Variants in TDRD9 observed in about 807,000 individuals in gnomAD.
The protein encoded by TDRD9 is ATP-dependent RNA helicase TDRD9.
A neutral mutation model predicts 172.6 loss-of-function variants in TDRD9; 124 were observed. The ratio of observed to expected loss-of-function variants is 0.72; its 90% CI spans 0.62 to 0.83. The LOEUF is 0.83. Ranked by LOEUF, TDRD9 falls within the 40% of genes least tolerant of loss-of-function variation. The pLI is 0.00. For missense variants in TDRD9, 1,479 were observed against 1,714.1 expected, an observed-to-expected ratio of 0.86 and a Z score of 2.42; for synonymous variants, 619 against 617.1, an observed-to-expected ratio of 1.00 and a Z score of -0.05.
intron 14 of TDRD9, 165 bp from the exon 15 acceptor site, chr14:104,005,109 T>G: frequency 1.8e-6 from 1 of 562,206 alleles, no homozygotes; most frequent in East Asian, 3.1e-5. Context: ...TGTTCTTTCT[T>G]CTTCTCTCTC....
intron 14 of TDRD9, 77 bp from the exon 15 acceptor site, chr14:104,005,197 T>G: frequency 6.7e-7 from 1 of 1,498,086 alleles, no homozygotes; most frequent in Non-Finnish European, 9.2e-7. Context: ...TCTTTCCCTC[T>G]GAAGCACTGG....
intron 34 of TDRD9, among the ~76,000 whole-genome samples, chr14:104,045,284 C>T (rs1199236169): frequency 4.6e-5 from 7 of 152,060 alleles, no homozygotes; most frequent in African/African-American, 1.7e-4. Context: ...TTACTGCAGT[C>T]AGTCTGGTGA....
chr14:104,014,567 C>T (rs370191184), intron 20 of TDRD9, among the ~76,000 whole-genome samples, 158 bp from the exon 21 acceptor site: 1 of 152,144 alleles, frequency 6.6e-6, no homozygotes, highest in East Asian at 1.9e-4. Context: ...AGGTGTGAGT[C>T]ACCGTGCACA....
chr14:103,981,151 C>T (rs1032555970), intron 7 of TDRD9, among the ~76,000 whole-genome samples: 1 of 152,190 alleles, frequency 6.6e-6, no homozygotes, highest in Admixed American at 6.5e-5. Flanking sequence ...AAGTGATCCT[C>T]TTGCTTTGGT....
At chr14:103,941,575 G>C in intron 1 of TDRD9, 2 of 1,534,860 alleles carry the variant, frequency 1.3e-6, no homozygotes, top group Non-Finnish European at 8.7e-7. Context: ...AATCTCTCTC[G>C]CTCCTTTAGG....
At position 103,959,455 on chromosome 14, in the gene TDRD9, CGTGTGTGTGT is replaced by C. The variant is rs151216232; in HGVS notation, c.323-3607_323-3598del. Among the ~76,000 whole-genome samples, 34 of 144,110 alleles carry C rather than the reference CGTGTGTGTGT, an allele frequency of 2.4e-4. No homozygotes were observed. The East Asian group carries it at 3.7e-3, about 16-fold the overall frequency. The allele number at this position is 144,110 out of a possible 152,430, so 94.5% of individuals were successfully genotyped here. The stretch of plus-strand genomic sequence containing the variant: ...CACTGAAGAAGTAAGGTCAGGTTAT[CGTGTGTGTGT>C]GTGTGTGTGTGTGTGTATGTATACA... On this transcript the variant is annotated intron_variant, in intron 2 of 35. Transcript: ENST00000409874.
At chr14:103,969,006 C>T (rs1161153230) in intron 5 of TDRD9, among the ~76,000 whole-genome samples, 4 of 122,826 alleles carry the variant, frequency 3.3e-5, no homozygotes, top group African/African-American at 6.1e-5. Context: ...AGGCTGAGGC[C>T]GGAGAATGGC....
chr14:103,992,503 A>G (rs1398398238), intron 9 of TDRD9, among the ~76,000 whole-genome samples: 1 of 152,212 alleles, frequency 6.6e-6, no homozygotes, highest in Non-Finnish European at 1.5e-5. Flanking sequence ...TGTGTGCATC[A>G]TATTGTATTA....
At position 103,928,716 on chromosome 14, in the gene TDRD9, G is replaced by C; in HGVS notation, c.207G>C (p.Ala69=). ...LAQAPARPAA[A]FERSLSQRSS... ...AAGCTCCGGCCCGGCCGGCCGCTGC[G>C]TTCGAAAGGTAGGACGCGGGCGGGG... The change falls in exon 1 of 36, where the codon GCG becomes GCC. Residue 69 remains alanine, a synonymous_variant. Coordinates refer to ENST00000409874, the MANE Select transcript of TDRD9 (RefSeq NM_153046.3). The C allele has an allele frequency of 3.4e-6, 4 of 1,160,732 alleles. No homozygotes were observed. The highest frequency in any genetic ancestry group is 4.3e-6 in the Non-Finnish European group (4 of 931,266). 71.9% of individuals were successfully genotyped at this position (1,160,732 alleles called of 1,614,324 possible). A position where few individuals can be genotyped will look rare whatever the true frequency, so the allele number is the denominator to read the frequency against.
At chr14:104,025,437 T>C (rs1008171257) in intron 25 of TDRD9, 127 bp from the exon 26 acceptor site, 15 of 705,644 alleles carry the variant, frequency 2.1e-5, no homozygotes, top group South Asian at 5.6e-5. Flanking sequence ...TAAATACTTA[T>C]GTTCCGAGGA....
chr14:104,031,114 CATGAAGT>C lies in TDRD9; in HGVS notation c.3290_3296del (p.His1097LeufsTer10). ...ACTTTTCTTGTTTGTTCAGCAAAGC[CATGAAGT>C]TCTCAAGGGCCTCTTTTCCAAGTCA... On this transcript the variant is annotated frameshift_variant, in exon 29 of 36. Coordinates refer to ENST00000409874, the MANE Select transcript of TDRD9 (RefSeq NM_153046.3). LOFTEE classifies it high-confidence loss of function. 6.5e-7 allele frequency: 1 copy of C among 1,549,278 alleles called. No homozygotes were observed. Among genetic ancestry groups the C allele is most frequent in the Non-Finnish European group, 8.7e-7 (1 of 1,146,474 alleles).
chr14:104,011,949 G>T (rs986402227), intron 20 of TDRD9, among the ~76,000 whole-genome samples: 4 of 152,136 alleles, frequency 2.6e-5, no homozygotes, highest in African/African-American at 9.7e-5. Context: ...GCCCTGGAGA[G>T]ACCAGGTGCA....
intron 1 of TDRD9, among the ~76,000 whole-genome samples, chr14:103,944,731 A>AAG (rs2031467991): frequency 6.6e-6 from 1 of 150,998 alleles, no homozygotes; most frequent in South Asian, 2.1e-4. Flanking sequence ...ACACTCAGCT[A>AAG]ATTTTTGTAT....
At chr14:104,029,909 C>T (rs2035230903) in intron 28 of TDRD9, among the ~76,000 whole-genome samples, 1 of 152,174 alleles carries the variant, frequency 6.6e-6, no homozygotes, top group East Asian at 1.9e-4. Flanking sequence ...TTATCAAGTG[C>T]TTTTTCTGCA....
At chr14:103,941,775 A>G (rs1420488364) in intron 1 of TDRD9, 2 of 1,192,248 alleles carry the variant, frequency 1.7e-6, no homozygotes, top group Non-Finnish European at 2.3e-6. Context: ...GTTTCTTTAC[A>G]ATAAATTTGC....
chr14:103,993,332 A>G (rs2033943455), intron 9 of TDRD9, among the ~76,000 whole-genome samples: 1 of 152,130 alleles, frequency 6.6e-6, no homozygotes, highest in Non-Finnish European at 1.5e-5. Context: ...CCTGAAGAAA[A>G]TATTTATAAG....
rs368996237 is a variant in TDRD9 at position 104,048,875 on chromosome 14, C to T, written c.3975-733C>T. Among the ~76,000 whole-genome samples, 28 of 152,236 alleles carry T rather than the reference C, an allele frequency of 1.8e-4. 1 individual carries two copies. The East Asian group carries it at 2.3e-3, about 13-fold the overall frequency. On this transcript the variant is annotated intron_variant, in intron 34 of 35. Transcript: ENST00000409874. The stretch of plus-strand genomic sequence containing the variant: ...CAAGTCAAGGTGTGAGGATTTTTCC[C>T]CCTCTGATCCAGATCACATAGCCTT...
chr14:103,971,703 G>T (rs1362570839), intron 6 of TDRD9, among the ~76,000 whole-genome samples: 1 of 152,278 alleles, frequency 6.6e-6, no homozygotes, highest in African/African-American at 2.4e-5. Context: ...CAACTAAGGG[G>T]CATTCTTTTA....
chr14:103,935,315 A>G (rs1256889006), intron 1 of TDRD9, among the ~76,000 whole-genome samples: 2 of 152,160 alleles, frequency 1.3e-5, no homozygotes. Context: ...TGTGGTAAGC[A>G]ATGGTGGCAT....
Sources: allele counts gnomAD v4.1 joint callset (sites outside exome capture counted in the v4.1 genomes callset), GRCh38; gene constraint gnomAD v4.1.1; transcripts MANE v1.5; gene names NCBI Gene and HGNC (gene_info 2026-07-23, HGNC 2026-07-21).